Variants in SLF2 observed in about 807,000 individuals in gnomAD.
SLF2 encodes the protein SMC5-SMC6 complex localization factor protein 2.
Under a neutral mutation model 124.3 loss-of-function variants are expected in SLF2, and 68 were observed. That is an observed-to-expected ratio of 0.55 (90% CI 0.45 to 0.67). The LOEUF (loss-of-function observed/expected upper bound fraction) is 0.67. SLF2 is among the 30% of genes least tolerant of loss of function. The pLI, the probability that SLF2 is intolerant of heterozygous loss-of-function variation, is 0.00. For synonymous variants in SLF2, 480 were observed against 478.8 expected (o/e 1.00, Z -0.03); for missense variants, 1,246 against 1,373.7 (o/e 0.91, Z 1.47).
chr10:100,956,077 T>A (rs568684308), intron 17 of SLF2, among the ~76,000 whole-genome samples: 123 of 151,544 alleles, frequency 8.1e-4, no homozygotes, highest in Admixed American at 3.9e-3. Context: ...CTTTAAAAAA[T>A]TTTTTTCTTT....
chr10:100,918,242 A>G lies in SLF2; in HGVS notation c.916-142A>G, dbSNP rs574408463. Reference sequence around the variant, plus strand: ...AAACCTTAAGATCTTTAAATATTTTATTATAGACATTAGGATTTACCTCCA... The same window carrying G: ...AAACCTTAAGATCTTTAAATATTTTGTTATAGACATTAGGATTTACCTCCA... On this transcript the variant is annotated intron_variant, in intron 3 of 19. Coordinates refer to ENST00000238961, the MANE Select transcript of SLF2 (RefSeq NM_018121.4). 1.6e-5 allele frequency: 7 copies of G among 441,674 alleles called. No homozygotes were observed. The East Asian group carries it at 1.7e-4, about 11-fold the overall frequency. 27.4% of individuals were successfully genotyped at this position (441,674 alleles called of 1,614,324 possible). A position where few individuals can be genotyped will look rare whatever the true frequency, so the allele number is the denominator to read the frequency against.
At chr10:100,956,623 T>C (rs1406145211) in intron 18 of SLF2, 86 bp downstream of exon 18, 4 of 1,002,644 alleles carry the variant, frequency 4.0e-6, no homozygotes, top group Non-Finnish European at 5.9e-6. Flanking sequence ...CAGGCCTATA[T>C]TCAGAAAAAG....
In SLF2 at chr10:100,962,403, T is replaced by C. The variant is rs1313530149; in HGVS notation, c.*491T>C. ...CACAAAGGGAATGCTTAAAACTGAGTTTAGTAATAAAAAGCATAAATCTCT... is the reference window on the plus strand; with the variant it reads ...CACAAAGGGAATGCTTAAAACTGAGCTTAGTAATAAAAAGCATAAATCTCT... On this transcript the variant is annotated 3_prime_UTR_variant, in exon 20 of 20. Transcript: ENST00000238961. 6.6e-6 allele frequency: 1 copy of C among 152,536 alleles called. No individual in the cohort carries two copies. Among genetic ancestry groups the C allele is most frequent in the Non-Finnish European group, 1.5e-5 (1 of 68,140 alleles). 9.4% of individuals were successfully genotyped at this position (152,536 alleles called of 1,614,324 possible).
At chr10:100,960,363 G>A (rs1299499402) in intron 19 of SLF2, among the ~76,000 whole-genome samples, 1 of 152,198 alleles carries the variant, frequency 6.6e-6, no homozygotes, top group Non-Finnish European at 1.5e-5. Flanking sequence ...TTTCCAAAGT[G>A]ACTGCATCAT....
At chr10:100,916,155 G>A in intron 2 of SLF2, 113 bp downstream of exon 2, 1 of 751,308 alleles carries the variant, frequency 1.3e-6, no homozygotes, top group Non-Finnish European at 2.1e-6. Flanking sequence ...GTTCAAAATT[G>A]AAAATAAAAT....
intron 3 of SLF2, among the ~76,000 whole-genome samples, 192 bp downstream of exon 3, chr10:100,917,492 G>A (rs1849440429): frequency 6.6e-6 from 1 of 152,098 alleles, no homozygotes; most frequent in African/African-American, 2.4e-5. Flanking sequence ...GTAAAGCAGT[G>A]TTTCTTATCC....
At chr10:100,944,310 A>G (rs182325921) in intron 12 of SLF2, among the ~76,000 whole-genome samples, 182 bp downstream of exon 12, 3 of 152,090 alleles carry the variant, frequency 2.0e-5, no homozygotes, top group African/African-American at 4.8e-5. Context: ...CCTGGCTAAC[A>G]CGGTGAAAAC....
chr10:100,923,431 C>G (rs1849555823), intron 4 of SLF2, among the ~76,000 whole-genome samples: 1 of 152,044 alleles, frequency 6.6e-6, no homozygotes, highest in Non-Finnish European at 1.5e-5. Flanking sequence ...CTTGTATTCC[C>G]TCTGTGCATG....
rs780476782 is a variant in SLF2, at chr10:100,924,226, C to T, written c.1225C>T (p.Pro409Ser). ...TGATGGCTCTTCTGCAGGCTTGGCA[C>T]CTTCAAATTCTGGCAATTCTGGCCA... ...ETDGSSAGLA[P>S]SNSGNSGHHS... Residue 409 changes from proline to serine, a missense_variant, in exon 5 of 20, where the codon CCT becomes TCT. Coordinates refer to ENST00000238961, the MANE Select transcript of SLF2 (RefSeq NM_018121.4). 6 of 1,614,086 alleles carry T rather than the reference C, an allele frequency of 3.7e-6. No individual in the cohort carries two copies. In the Admixed American group the frequency reaches 8.3e-5, roughly 22 times the overall value.
chr10:100,933,451 T>C (rs1366973054), intron 9 of SLF2, among the ~76,000 whole-genome samples: 1 of 152,192 alleles, frequency 6.6e-6, no homozygotes, highest in East Asian at 1.9e-4. Flanking sequence ...TTTTTAGAAA[T>C]TATGTCAATT....
Position 100,926,028 on chromosome 10 carries a change from G to A in SLF2, c.2042+9G>A, listed in dbSNP as rs1469653025. On this transcript the variant is annotated intron_variant, in intron 6 of 19. Coordinates refer to ENST00000238961, the MANE Select transcript of SLF2 (RefSeq NM_018121.4). ...ATGGAAGACACACAAAGGTTTGTTA[G>A]CATAAAGATTAATTTGCTAAATTTA... 1 of 1,614,154 alleles carries A rather than the reference G, an allele frequency of 6.2e-7. No individual in the cohort carries two copies. Among genetic ancestry groups the A allele is most frequent in the East Asian group, 2.2e-5 (1 of 44,890 alleles).
intron 1 of SLF2, 102 bp downstream of exon 1, chr10:100,913,352 G>T (rs1446770905): frequency 1.5e-6 from 2 of 1,377,406 alleles, no homozygotes; most frequent in South Asian, 1.6e-5. Flanking sequence ...TCCTCCGCGA[G>T]CTCAGGCGTT....
chr10:100,927,456 A>G (rs913942759), intron 6 of SLF2, among the ~76,000 whole-genome samples: 1 of 152,164 alleles, frequency 6.6e-6, no homozygotes, highest in African/African-American at 2.4e-5. Context: ...ATTCCATTGT[A>G]TTATGTATAT....
intron 9 of SLF2, 96 bp from the exon 10 acceptor site, chr10:100,937,306 T>C: frequency 1.1e-6 from 1 of 896,866 alleles, no homozygotes; most frequent in South Asian, 1.3e-5. Context: ...CTGCTGCGCC[T>C]GGCCTACATA....
At chr10:100,945,250 C>G (rs1410138429) in intron 12 of SLF2, 80 bp from the exon 13 acceptor site, 2 of 1,208,398 alleles carry the variant, frequency 1.7e-6, no homozygotes, top group African/African-American at 3.2e-5. Context: ...CATCTTTTGT[C>G]AAAAAGAGTT....
At chr10:100,920,979 C>A (rs1344689237) in intron 4 of SLF2, among the ~76,000 whole-genome samples, 2 of 151,976 alleles carry the variant, frequency 1.3e-5, no homozygotes, top group Non-Finnish European at 2.9e-5. Flanking sequence ...AATAAAAATC[C>A]AAATGATATG....
chr10:100,954,203 C>T (rs569757763), intron 17 of SLF2, among the ~76,000 whole-genome samples: 21 of 152,226 alleles, frequency 1.4e-4, no homozygotes, highest in Middle Eastern at 3.4e-3. Context: ...GGCTGCCATG[C>T]ACTGTGGTCA....
At position 100,926,012 on chromosome 10, in the gene SLF2, A is replaced by T. The variant is rs748537480; in HGVS notation, c.2035A>T (p.Thr679Ser). ...ACGTCTAGTGAAGGAAATGGAAGAC[A>T]CACAAAGGTTTGTTAGCATAAAGAT... ...LERLVKEMED[T>S]QRLDELQKQL... The change falls in exon 6 of 20, where the codon ACA becomes TCA. Residue 679 changes from threonine (T) to serine (S), a missense_variant. By Grantham distance (58) the Thr-to-Ser change is moderately conservative (BLOSUM62 1). Coordinates refer to ENST00000238961, the MANE Select transcript of SLF2 (RefSeq NM_018121.4). The T allele has an allele frequency of 6.2e-7, 1 of 1,614,068 alleles. No individual in the cohort carries two copies. Among genetic ancestry groups the T allele is most frequent in the African/African-American group, 1.3e-5 (1 of 75,032 alleles).
rs745852428 is a variant in SLF2 at position 100,929,429 on chromosome 10, G to A, written c.2155G>A (p.Glu719Lys). 2.0e-5 allele frequency: 32 copies of A among 1,604,494 alleles called. No homozygotes were observed. Among genetic ancestry groups the A allele is most frequent in the Non-Finnish European group, 2.7e-5 (32 of 1,176,760 alleles). The change falls in exon 7 of 20, where the codon GAA becomes AAA. Residue 719 changes from glutamate (E) to lysine (K), a missense_variant. Glu to Lys is a moderately conservative substitution (Grantham distance 56). Transcript: ENST00000238961. ...TACAGATGATGAGGATGGCCTCTTA[G>A]AAGAGCACAAGTATAGCATTTTTCA... is the stretch of plus-strand genomic sequence containing the variant. ...DSTDDEDGLL[E>K]EHKEFLKKFS...
Sources: allele counts gnomAD v4.1 joint callset (sites outside exome capture counted in the v4.1 genomes callset), GRCh38; gene constraint gnomAD v4.1.1; transcripts MANE v1.5; gene names NCBI Gene and HGNC (gene_info 2026-07-23, HGNC 2026-07-21).